VPS13B: variants seen among roughly 807,000 people sequenced by gnomAD.
VPS13B encodes intermembrane lipid transfer protein VPS13B.
Under a neutral mutation model 426.4 loss-of-function variants are expected in VPS13B, and 285 were observed. The observed-to-expected ratio is 0.67, with a 90% confidence interval of 0.61 to 0.74. The LOEUF (loss-of-function observed/expected upper bound fraction) is 0.74. Among genes scored for constraint, VPS13B ranks in the 30% least tolerant of loss-of-function variants. The pLI is 0.00. For synonymous variants in VPS13B, 1,676 were observed against 1,676.4 expected, an observed-to-expected ratio of 1.00 and a Z score of 0.01; for missense variants, 4,537 against 4,782.6, an observed-to-expected ratio of 0.95 and a Z score of 1.51.
At chr8:99,623,024 G>C (rs1027685035) in intron 33 of VPS13B, among the ~76,000 whole-genome samples, 3 of 152,160 alleles carry the variant, frequency 2.0e-5, no homozygotes, top group African/African-American at 7.2e-5. Context: ...TAAGTCAAGT[G>C]AGTCTCTTGT....
chr8:99,023,489 T>G (rs946607516), intron 2 of VPS13B, among the ~76,000 whole-genome samples: 1 of 148,812 alleles, frequency 6.7e-6, no homozygotes, highest in Non-Finnish European at 1.5e-5. Context: ...TTTCTTTTCT[T>G]TTTTTTTTTT....
rs1848069634 is a variant in VPS13B at position 99,123,980 on chromosome 8, A to G, written c.1206+2535A>G. 2.0e-5 allele frequency among the ~76,000 whole-genome samples: 3 copies of G among 152,198 alleles called. No individual in the cohort carries two copies. In the South Asian group the frequency reaches 6.2e-4, roughly 32 times the overall value. On this transcript the variant is annotated intron_variant, in intron 8 of 61. Coordinates refer to ENST00000357162, the MANE Select transcript of VPS13B (RefSeq NM_152564.5). ...ATTAGAAGTTTGCCTAGGTGCATATATTTGATAGTCATGATCATATTAAGA... is the reference window on the plus strand; with the variant it reads ...ATTAGAAGTTTGCCTAGGTGCATATGTTTGATAGTCATGATCATATTAAGA...
intron 2 of VPS13B, among the ~76,000 whole-genome samples, chr8:99,033,767 G>A (rs1246801007): frequency 2.6e-5 from 4 of 151,936 alleles, no homozygotes; most frequent in Non-Finnish European, 4.4e-5. Context: ...GTGGTGGTGG[G>A]TGCCTGTAAT....
chr8:99,784,536 C>A (rs1409432585), intron 43 of VPS13B, 60 bp downstream of exon 43: 11 of 1,599,522 alleles, frequency 6.9e-6, no homozygotes, highest in Non-Finnish European at 9.4e-6. Context: ...ATTTCTTCTG[C>A]ACTTGTGTGC....
intron 19 of VPS13B, among the ~76,000 whole-genome samples, chr8:99,304,869 A>G (rs1038948934): frequency 8.5e-5 from 13 of 152,096 alleles, no homozygotes; most frequent in Admixed American, 1.3e-4. Context: ...AATATGTTTT[A>G]CTGCCCCCCT....
At chr8:99,090,291 A>G (rs1293089572) in intron 3 of VPS13B, among the ~76,000 whole-genome samples, 2 of 145,914 alleles carry the variant, frequency 1.4e-5, no homozygotes, top group East Asian at 3.9e-4. Context: ...TTTTTCACAC[A>G]GAGTCTCTCT....
chr8:99,574,512 C>G (rs12550617), intron 31 of VPS13B, among the ~76,000 whole-genome samples: 39,046 of 151,974 alleles, frequency 0.26, 5,695 homozygotes, highest in East Asian at 0.45. Flanking sequence ...TAGCATGAAG[C>G]GTTGTTGAAT....
chr8:99,843,733 T>A (rs376768394), intron 54 of VPS13B, among the ~76,000 whole-genome samples: 1 of 152,242 alleles, frequency 6.6e-6, no homozygotes, highest in East Asian at 1.9e-4. Context: ...GAAGGAGCTC[T>A]TACCATTGTC....
chr8:99,364,119 T>C (rs926509652), intron 19 of VPS13B, among the ~76,000 whole-genome samples: 19 of 152,170 alleles, frequency 1.2e-4, no homozygotes, highest in African/African-American at 4.1e-4. Flanking sequence ...TGGCTTTTAT[T>C]ATGTTGAGGT....
Position 99,135,139 on chromosome 8 carries a change from T to C in VPS13B, c.1425+2T>C. ...GAGAATATGAATAGAAGTGAAACTGTAAGTCCGTTTCCTCCATCCTTTTTT... is the reference window on the plus strand; with the variant it reads ...GAGAATATGAATAGAAGTGAAACTGCAAGTCCGTTTCCTCCATCCTTTTTT... On this transcript the variant is annotated splice_donor_variant, in intron 10 of 61. Transcript: ENST00000357162. LOFTEE classifies it high-confidence loss of function. The C allele has an allele frequency of 6.2e-7, 1 of 1,613,230 alleles. No individual in the cohort carries two copies. Among genetic ancestry groups the C allele is most frequent in the Non-Finnish European group, 8.5e-7 (1 of 1,179,356 alleles).
intron 44 of VPS13B, among the ~76,000 whole-genome samples, chr8:99,814,697 C>A (rs1205208934): frequency 6.6e-6 from 1 of 152,078 alleles, no homozygotes; most frequent in Admixed American, 6.5e-5. Context: ...CCACTGGGGG[C>A]CAAGGGAGGT....
intron 3 of VPS13B, among the ~76,000 whole-genome samples, chr8:99,040,086 A>G (rs1028453251): frequency 2.6e-5 from 4 of 152,020 alleles, no homozygotes; most frequent in Non-Finnish European, 5.9e-5. Context: ...GTTCCATATT[A>G]AAAGAGAAAA....
intron 4 of VPS13B, among the ~76,000 whole-genome samples, chr8:99,099,170 C>T (rs574895235): frequency 3.9e-5 from 6 of 152,162 alleles, no homozygotes; most frequent in Middle Eastern, 3.4e-3. Flanking sequence ...TTTATTGGGC[C>T]TGTCTATAAC....
At chr8:99,714,787 C>T (rs1387464462) in intron 36 of VPS13B, among the ~76,000 whole-genome samples, 1 of 152,078 alleles carries the variant, frequency 6.6e-6, no homozygotes, top group Non-Finnish European at 1.5e-5. Context: ...TCCACAGTAT[C>T]AAGGTCATGA....
At chr8:99,674,967 A>G (rs567647122) in intron 35 of VPS13B, among the ~76,000 whole-genome samples, 1 of 152,242 alleles carries the variant, frequency 6.6e-6, no homozygotes, top group East Asian at 1.9e-4. Flanking sequence ...CACTAAAGAT[A>G]TAATTTACAC....
chr8:99,640,076 GAAAAGAAAAGAAAA>G (rs1829286122), intron 33 of VPS13B, among the ~76,000 whole-genome samples: 1 of 145,654 alleles, frequency 6.9e-6, no homozygotes, highest in African/African-American at 2.6e-5. Flanking sequence ...GAAAAGAAAA[GAAAAGAAAAGAAAA>G]GAAAAGAAAA....
At chr8:99,755,637 G>A (rs1243886516) in intron 39 of VPS13B, among the ~76,000 whole-genome samples, 1 of 152,044 alleles carries the variant, frequency 6.6e-6, no homozygotes, top group Non-Finnish European at 1.5e-5. Flanking sequence ...GGGTGTGGTG[G>A]TGCATGCCTG....
chr8:99,573,665 G>A (rs929673237), intron 31 of VPS13B, among the ~76,000 whole-genome samples: 16 of 152,138 alleles, frequency 1.1e-4, no homozygotes, highest in Admixed American at 1.0e-3. Flanking sequence ...CTATATCTCT[G>A]TTTTGGTACC....
intron 23 of VPS13B, among the ~76,000 whole-genome samples, chr8:99,444,240 A>G (rs1192337573): frequency 6.6e-6 from 1 of 152,000 alleles, no homozygotes; most frequent in African/African-American, 2.4e-5. Context: ...CTGGGACTAC[A>G]GGCACTTGCC....
Sources: gnomAD v4.1 joint callset for allele counts (sites outside exome capture counted in the v4.1 genomes callset) on GRCh38, gnomAD v4.1.1 for gene constraint, MANE v1.5 for transcripts, NCBI Gene and HGNC (gene_info 2026-07-23, HGNC 2026-07-21) for gene names.